Variants in ATP8B4 observed in about 807,000 individuals in gnomAD.
ATP8B4 encodes ATPase phospholipid transporting 8B4 (putative).
Under a neutral mutation model 145.6 loss-of-function variants are expected in ATP8B4, and 133 were observed. That is an observed-to-expected ratio of 0.91 (90% CI 0.79 to 1.05). ATP8B4 has a LOEUF of 1.05. Among genes scored for constraint, ATP8B4 ranks in the 50% least tolerant of loss-of-function variants. The pLI, the probability that ATP8B4 is intolerant of heterozygous loss-of-function variation, is 0.00. For synonymous variants in ATP8B4, 507 were observed against 492.9 expected, an observed-to-expected ratio of 1.03 and a Z score of -0.38; for missense variants, 1,458 against 1,425.2, an observed-to-expected ratio of 1.02 and a Z score of -0.37.
intron 20 of ATP8B4, among the ~76,000 whole-genome samples, chr15:49,912,411 A>G (rs985680411): frequency 6.6e-6 from 1 of 152,222 alleles, no homozygotes; most frequent in Non-Finnish European, 1.5e-5. Context: ...AACTAACAGG[A>G]AAACCTAGAG....
chr15:49,944,644 C>T (rs929347920), intron 14 of ATP8B4, among the ~76,000 whole-genome samples: 73 of 152,226 alleles, frequency 4.8e-4, no homozygotes, highest in African/African-American at 1.6e-3. Context: ...TCACTTTCAA[C>T]ACTAGATAGG....
rs1305558122 is a variant in ATP8B4, at chr15:50,131,749, T to G, written c.-42-24741A>C. Among the ~76,000 whole-genome samples, 21 of 143,306 alleles carry G rather than the reference T, an allele frequency of 1.5e-4. No individual in the cohort carries two copies. In the Admixed American group the frequency reaches 1.5e-3, roughly 10 times the overall value. 94.0% of individuals were successfully genotyped at this position (143,306 alleles called of 152,430 possible). A position where few individuals can be genotyped will look rare whatever the true frequency, so the allele number is the denominator to read the frequency against. On this transcript the variant is annotated intron_variant, in intron 1 of 3. Coordinates refer to the ATP8B4 transcript ENST00000558829. ...ATATTTATATATTATTATATTCATA[T>G]AATATTATATTATACTAATATTAAC...
At chr15:49,970,315 A>C (rs183858713) in intron 13 of ATP8B4, among the ~76,000 whole-genome samples, 1 of 152,334 alleles carries the variant, frequency 6.6e-6, no homozygotes, top group Admixed American at 6.5e-5. Flanking sequence ...TCAGATAGGA[A>C]GAGAGGAAAT....
chr15:49,895,195 G>T (rs375627623), intron 23 of ATP8B4: 6 of 152,258 alleles, frequency 3.9e-5, no homozygotes, highest in African/African-American at 1.4e-4. Context: ...AGATGAATAC[G>T]GTCTAATGTT....
chr15:49,894,441 T>G (rs567012047), intron 23 of ATP8B4, among the ~76,000 whole-genome samples: 34 of 152,156 alleles, frequency 2.2e-4, no homozygotes, highest in African/African-American at 7.7e-4. Context: ...TGGTGATTGC[T>G]CCTCTGCGTA....
rs759526767 is a variant in ATP8B4, at chr15:49,897,435, T to C, written c.2554A>G (p.Arg852Gly). 3 of 1,612,306 alleles carry C rather than the reference T, an allele frequency of 1.9e-6. No individual in the cohort carries two copies. In the Admixed American group the frequency reaches 5.0e-5, roughly 27 times the overall value. ...LASDYSFAQF[R>G]YLQRLLLVHG... ...ACAAGGAGAAGCCTTTGGAGATATC[T>C]AAACTGTGCAAATGAATAGTCGCTG... Residue 852 changes from arginine (R) to glycine (G), a missense_variant, in exon 23 of 28, where the codon AGA (arginine) becomes GGA (glycine). Transcript: ENST00000284509.
intron 20 of ATP8B4, among the ~76,000 whole-genome samples, chr15:49,911,672 T>A (rs2039243993): frequency 6.6e-6 from 1 of 152,144 alleles, no homozygotes; most frequent in South Asian, 2.1e-4. Context: ...TAAACTGGAC[T>A]TTAGATCAAA....
intron 15 of ATP8B4, 122 bp downstream of exon 15, chr15:49,933,894 CA>C (rs2041494170): frequency 1.8e-6 from 2 of 1,114,194 alleles, no homozygotes; most frequent in African/African-American, 3.2e-5. Context: ...TGTTAAAAAA[CA>C]AAAACAAAAA....
At chr15:49,879,484 T>A in intron 23 of ATP8B4, 25 bp from the exon 24 acceptor site, 1 of 1,550,180 alleles carries the variant, frequency 6.5e-7, no homozygotes, top group South Asian at 1.2e-5. Context: ...AACATATAAG[T>A]GAGAAACATC....
chr15:49,901,034 A>G, intron 21 of ATP8B4, 58 bp downstream of exon 21: 1 of 1,573,888 alleles, frequency 6.4e-7, no homozygotes. Context: ...TGATAGCACA[A>G]AAGAGATGAT....
At chr15:50,059,322 A>C (rs1219760252) in intron 3 of ATP8B4, among the ~76,000 whole-genome samples, 1 of 152,200 alleles carries the variant, frequency 6.6e-6, no homozygotes, top group Non-Finnish European at 1.5e-5. Context: ...AGATCCTCTA[A>C]GTCACTGAAC....
At chr15:50,106,056 T>C (rs926961092) in intron 2 of ATP8B4, among the ~76,000 whole-genome samples, 3 of 152,226 alleles carry the variant, frequency 2.0e-5, no homozygotes, top group South Asian at 2.1e-4. Context: ...CAGCTCATTA[T>C]GAGACTAAAT....
At chr15:49,908,557 C>T (rs2038877379) in intron 20 of ATP8B4, among the ~76,000 whole-genome samples, 1 of 152,090 alleles carries the variant, frequency 6.6e-6, no homozygotes, top group East Asian at 1.9e-4. Flanking sequence ...CTTTCAGACC[C>T]TGAAATTAAC....
intron 15 of ATP8B4, among the ~76,000 whole-genome samples, chr15:49,932,309 A>T (rs2153466805): frequency 6.6e-6 from 1 of 152,072 alleles, no homozygotes; most frequent in Admixed American, 6.6e-5. Context: ...ACTAGATGTT[A>T]CCAGTGGTTA....
chr15:49,996,653 T>G (rs114768770), intron 9 of ATP8B4, 24 bp downstream of exon 9: 2 of 1,532,052 alleles, frequency 1.3e-6, no homozygotes, highest in African/African-American at 2.7e-5. Context: ...GGTTTTTGTT[T>G]GTTTATCTGT....
chr15:50,141,271 T>C (rs12912492), intron 1 of ATP8B4, among the ~76,000 whole-genome samples: 24,565 of 151,830 alleles, frequency 0.16, 2,250 homozygotes, highest in Non-Finnish European at 0.21. Context: ...GCTAACTGAT[T>C]AATACCACCA....
At chr15:49,867,828 C>A (rs189472088) in intron 25 of ATP8B4, among the ~76,000 whole-genome samples, 22 of 152,250 alleles carry the variant, frequency 1.4e-4, no homozygotes, top group East Asian at 9.6e-4. Context: ...ACACACTATT[C>A]CTGAATTTAA....
intron 1 of ATP8B4, among the ~76,000 whole-genome samples, chr15:50,162,151 T>G (rs938548870): frequency 6.6e-6 from 1 of 152,150 alleles, no homozygotes; most frequent in Non-Finnish European, 1.5e-5. Context: ...TGGAGCTTTC[T>G]TGTATGTTAC....
intron 2 of ATP8B4, among the ~76,000 whole-genome samples, chr15:50,099,727 A>C (rs938930569): frequency 2.0e-5 from 3 of 152,216 alleles, no homozygotes; most frequent in African/African-American, 7.2e-5. Flanking sequence ...AAGGGGCTAG[A>C]CCTTTTTACA....
Sources: gnomAD v4.1 joint callset for allele counts (sites outside exome capture counted in the v4.1 genomes callset) on GRCh38, gnomAD v4.1.1 for gene constraint, MANE v1.5 for transcripts, NCBI Gene and HGNC (gene_info 2026-07-23, HGNC 2026-07-21) for gene names.